ASIC2: variants seen among roughly 807,000 people sequenced by gnomAD.
ASIC2 encodes acid sensing ion channel subunit 2, also known as acid-sensing ion channel 2.
A neutral mutation model predicts 57.3 loss-of-function variants in ASIC2; 25 were observed. That is an observed-to-expected ratio of 0.44 (90% CI 0.32 to 0.61). ASIC2 has a LOEUF of 0.61. Among genes scored for constraint, ASIC2 ranks in the 20% least tolerant of loss-of-function variants. The pLI is 0.06. For synonymous variants in ASIC2, 319 were observed against 307.5 expected (o/e 1.04, Z -0.39); for missense variants, 641 against 738.1 (o/e 0.87, Z 1.52).
intron 1 of ASIC2, among the ~76,000 whole-genome samples, chr17:33,888,122 T>C (rs1287371496): frequency 6.6e-6 from 1 of 152,156 alleles, no homozygotes; most frequent in African/African-American, 2.4e-5. Flanking sequence ...TTACCAGGGA[T>C]ATAACCCCAT....
At chr17:34,070,219 A>G (rs529116611) in intron 1 of ASIC2, 90 of 152,130 alleles carry the variant, frequency 5.9e-4, no homozygotes, top group African/African-American at 2.0e-3. Context: ...CAAAGTGACC[A>G]TACCAATAAA....
In ASIC2 at chr17:33,209,465, C is replaced by G. The variant is rs374868682; in HGVS notation, c.708+81943G>C. ...TATTGACATTTATAGCCAGATAACT[C>G]TTTGTGACAGGGGACAGTCCTGTGC... On this transcript the variant is annotated intron_variant, in intron 1 of 9. Coordinates refer to ENST00000225823, the MANE Select transcript of ASIC2 (RefSeq NM_183377.2). Among the ~76,000 whole-genome samples, 11 of 152,316 alleles carry G rather than the reference C, an allele frequency of 7.2e-5. No homozygotes were observed. The East Asian group carries it at 1.4e-3, about 19-fold the overall frequency.
chr17:34,099,434 G>A (rs116136522), intron 1 of ASIC2, among the ~76,000 whole-genome samples: 3,369 of 81,162 alleles, frequency 0.042, 161 homozygotes, highest in African/African-American at 0.14. Context: ...AAAGAAAGAA[G>A]AAAAGAAAGA....
chr17:33,882,642 A>AAC (rs746886927), intron 1 of ASIC2, among the ~76,000 whole-genome samples: 3 of 151,530 alleles, frequency 2.0e-5, no homozygotes, highest in Admixed American at 6.6e-5. Flanking sequence ...GAGAAATAGG[A>AAC]ACTTTTACAC....
intron 1 of ASIC2, among the ~76,000 whole-genome samples, chr17:33,928,642 G>A (rs1915871557): frequency 6.6e-6 from 1 of 152,142 alleles, no homozygotes; most frequent in Non-Finnish European, 1.5e-5. Context: ...CCGGAGGGGT[G>A]GAGCTTCTGC....
intron 1 of ASIC2, among the ~76,000 whole-genome samples, chr17:34,104,735 A>C (rs1910983808): frequency 6.6e-6 from 1 of 152,018 alleles, no homozygotes; most frequent in Non-Finnish European, 1.5e-5. Context: ...TATGTTTTTA[A>C]CTTTAATATA....
intron 1 of ASIC2, among the ~76,000 whole-genome samples, chr17:33,910,018 C>T (rs567030602): frequency 9.9e-5 from 15 of 152,258 alleles, no homozygotes; most frequent in African/African-American, 3.4e-4. Context: ...GTAATAATAG[C>T]ACCACCCTCG....
chr17:33,334,179 C>T (rs1454337436), intron 1 of ASIC2, among the ~76,000 whole-genome samples: 1 of 152,134 alleles, frequency 6.6e-6, no homozygotes, highest in Non-Finnish European at 1.5e-5. Flanking sequence ...CTACATGTTC[C>T]AAAAGGGGGC....
intron 1 of ASIC2, among the ~76,000 whole-genome samples, chr17:33,697,382 A>AG (rs1328713734): frequency 6.6e-6 from 1 of 152,184 alleles, no homozygotes; most frequent in Non-Finnish European, 1.5e-5. Context: ...TTGCTGTCTC[A>AG]GGGTTGACAG....
chr17:33,287,032 G>A (rs1905223684), intron 1 of ASIC2, among the ~76,000 whole-genome samples: 1 of 152,208 alleles, frequency 6.6e-6, no homozygotes, highest in Non-Finnish European at 1.5e-5. Context: ...TGAATACTAT[G>A]AATACTATAG....
At chr17:33,550,542 TGTA>T (rs1455137014) in intron 1 of ASIC2, among the ~76,000 whole-genome samples, 1 of 152,202 alleles carries the variant, frequency 6.6e-6, no homozygotes, top group East Asian at 1.9e-4. Flanking sequence ...AGCTCTATTG[TGTA>T]GTAGTTAAAC....
At chr17:34,117,516 C>T (rs1911462370) in intron 1 of ASIC2, among the ~76,000 whole-genome samples, 2 of 152,128 alleles carry the variant, frequency 1.3e-5, no homozygotes, top group South Asian at 4.1e-4. Context: ...GTACCTGAAG[C>T]ATGGGTCTCG....
chr17:33,355,403 T>TG (rs752794737), intron 1 of ASIC2, among the ~76,000 whole-genome samples: 3 of 149,760 alleles, frequency 2.0e-5, no homozygotes, highest in Non-Finnish European at 4.4e-5. Context: ...AGAAGCAGTC[T>TG]GGGGGTCAAA....
At chr17:33,558,874 C>T (rs1276519240) in intron 1 of ASIC2, among the ~76,000 whole-genome samples, 1 of 151,986 alleles carries the variant, frequency 6.6e-6, no homozygotes, top group Admixed American at 6.6e-5. Context: ...TCAAGCAATA[C>T]TCCTGCCTCA....
chr17:33,103,034 T>C (rs551850180), intron 2 of ASIC2, among the ~76,000 whole-genome samples: 52 of 152,254 alleles, frequency 3.4e-4, no homozygotes, highest in Non-Finnish European at 5.7e-4. Context: ...CCGCCCGCCT[T>C]GGCCTCCCAA....
intron 1 of ASIC2, among the ~76,000 whole-genome samples, chr17:33,928,454 A>C (rs1282160470): frequency 6.6e-6 from 1 of 152,058 alleles, no homozygotes; most frequent in Non-Finnish European, 1.5e-5. Flanking sequence ...GCCTCCTCCC[A>C]TATCCTCTAC....
intron 1 of ASIC2, among the ~76,000 whole-genome samples, chr17:33,483,099 TG>T (rs1913459590): frequency 6.6e-6 from 1 of 152,144 alleles, no homozygotes; most frequent in South Asian, 2.1e-4. Flanking sequence ...GAAGAAAAGC[TG>T]TGGCTGAGTG....
At chr17:33,298,928 C>A (rs4591196) in intron 1 of ASIC2, among the ~76,000 whole-genome samples, 2 of 152,020 alleles carry the variant, frequency 1.3e-5, no homozygotes, top group Admixed American at 1.3e-4. Context: ...CACTGCTCAA[C>A]GAAATAAAAG....
At chr17:33,593,555 G>T (rs1207876412) in intron 1 of ASIC2, among the ~76,000 whole-genome samples, 1 of 152,194 alleles carries the variant, frequency 6.6e-6, no homozygotes, top group Admixed American at 6.5e-5. Flanking sequence ...TCTTGGTCAG[G>T]TTTTCTCTCT....
Sources: gnomAD v4.1 joint callset for allele counts (sites outside exome capture counted in the v4.1 genomes callset) on GRCh38, gnomAD v4.1.1 for gene constraint, MANE v1.5 for transcripts, NCBI Gene and HGNC (gene_info 2026-07-23, HGNC 2026-07-21) for gene names.